NFKB1: variants seen among roughly 807,000 people sequenced by gnomAD.
NFKB1 encodes the protein nuclear factor kappa B subunit 1, also known as nuclear factor NF-kappa-B p105 subunit.
Under a neutral mutation model 105.1 loss-of-function variants are expected in NFKB1, and 9 were observed. The ratio of observed to expected loss-of-function variants is 0.09; its 90% CI spans 0.05 to 0.15. The LOEUF is 0.15. Ranked by LOEUF, NFKB1 falls within the 10% of genes least tolerant of loss-of-function variation. The pLI, the probability that NFKB1 is intolerant of heterozygous loss-of-function variation, is 1.00. For synonymous variants in NFKB1, 440 were observed against 442.2 expected, an observed-to-expected ratio of 1.00 and a Z score of 0.06; for missense variants, 830 against 1,203.7, an observed-to-expected ratio of 0.69 and a Z score of 4.59.
At chr4:102,591,260 G>A (rs1365851766) in intron 11 of NFKB1, among the ~76,000 whole-genome samples, 2 of 152,080 alleles carry the variant, frequency 1.3e-5, no homozygotes, top group Admixed American at 6.6e-5. Context: ...CATAACTAGA[G>A]AGAAGATGTA....
chr4:102,572,765 C>T (rs1398031611), intron 6 of NFKB1, among the ~76,000 whole-genome samples: 5 of 152,126 alleles, frequency 3.3e-5, no homozygotes, highest in Non-Finnish European at 4.4e-5. Context: ...AAAACAGTCA[C>T]TTATCTTTTA....
intron 5 of NFKB1, among the ~76,000 whole-genome samples, chr4:102,563,819 CTTTTTTT>C (rs34134600): frequency 5.6e-5 from 7 of 124,588 alleles, no homozygotes; most frequent in East Asian, 4.7e-4. Flanking sequence ...AAGCTTAACT[CTTTTTTT>C]TTTTTTTTTT....
At chr4:102,593,268 A>G (rs371375379) in intron 11 of NFKB1, 157 bp from the exon 12 acceptor site, 14 of 731,460 alleles carry the variant, frequency 1.9e-5, no homozygotes, top group Admixed American at 2.5e-5. Context: ...TGGAATAAAT[A>G]TAACGCTTCT....
intron 11 of NFKB1, among the ~76,000 whole-genome samples, chr4:102,587,682 C>T (rs973119751): frequency 6.6e-6 from 1 of 152,002 alleles, no homozygotes; most frequent in African/African-American, 2.4e-5. Context: ...TCATACAATA[C>T]AAAGTTTAAG....
chr4:102,576,463 T>C (rs1453231194), intron 6 of NFKB1, among the ~76,000 whole-genome samples: 1 of 152,178 alleles, frequency 6.6e-6, no homozygotes, highest in Non-Finnish European at 1.5e-5. Flanking sequence ...ACTCCCGTAA[T>C]CAAATTTGGA....
At chr4:102,513,880 A>T (rs570613626) in intron 1 of NFKB1, among the ~76,000 whole-genome samples, 1 of 152,138 alleles carries the variant, frequency 6.6e-6, no homozygotes, top group African/African-American at 2.4e-5. Context: ...TTTAAAAATA[A>T]TGTGGACTCT....
intron 6 of NFKB1, among the ~76,000 whole-genome samples, chr4:102,576,020 A>C (rs899770979): frequency 1.3e-5 from 2 of 152,186 alleles, no homozygotes; most frequent in African/African-American, 4.8e-5. Context: ...TATTGAATAG[A>C]CTTCTTTGTT....
intron 1 of NFKB1, among the ~76,000 whole-genome samples, chr4:102,514,444 T>C (rs1739992221): frequency 6.6e-6 from 1 of 152,180 alleles, no homozygotes; most frequent in African/African-American, 2.4e-5. Context: ...TCCTCTTGCC[T>C]TTCCGCCCTC....
chr4:102,607,883 T>C lies in NFKB1; in HGVS notation c.2227+132T>C, dbSNP rs4648101. On this transcript the variant is annotated intron_variant, in intron 19 of 23. Transcript: ENST00000226574. The stretch of plus-strand genomic sequence containing the variant: ...GAAAAACAAGGGTAAATAAAAATTA[T>C]ATGGCAAATCACATTTTATCTGCCA... 833 of 748,104 alleles carry C rather than the reference T, an allele frequency of 1.1e-3. 6 individuals carry two copies. The African/African-American group carries it at 0.013, about 12-fold the overall frequency. The allele number at this position is 748,104 out of a possible 1,614,324, so 46.3% of individuals were successfully genotyped here.
chr4:102,566,952 G>A, intron 5 of NFKB1, 35 bp from the exon 6 acceptor site: 1 of 1,611,020 alleles, frequency 6.2e-7, no homozygotes, highest in Non-Finnish European at 8.5e-7. Flanking sequence ...TGGAGAGTCA[G>A]ATATGCTAAC....
Position 102,617,038 on chromosome 4 carries a change from TG to T in NFKB1, c.*445del, listed in dbSNP as rs1728999550. 2.0e-5 allele frequency: 3 copies of T among 148,100 alleles called. No homozygotes were observed. Among genetic ancestry groups the T allele is most frequent in the Non-Finnish European group, 4.4e-5 (3 of 67,752 alleles). 9.2% of individuals were successfully genotyped at this position (148,100 alleles called of 1,614,324 possible). On this transcript the variant is annotated 3_prime_UTR_variant, in exon 24 of 24. Transcript: ENST00000226574. ...ATATTTTAAAATGAGAGTCACTTGA[TG>T]TGCCATTTTAAAAAAAAAGGCATAT...
chr4:102,540,933 C>G (rs1267052610), intron 5 of NFKB1, among the ~76,000 whole-genome samples: 2 of 152,140 alleles, frequency 1.3e-5, no homozygotes, highest in Admixed American at 6.5e-5. Flanking sequence ...TCTTTCTAAT[C>G]AGGAAGACCT....
chr4:102,515,975 A>G (rs141252335), intron 1 of NFKB1, among the ~76,000 whole-genome samples: 2 of 152,146 alleles, frequency 1.3e-5, no homozygotes, highest in East Asian at 3.9e-4. Flanking sequence ...GAAAATGTCA[A>G]TTTCACCTTT....
At chr4:102,612,661 A>G (rs769449303) in intron 22 of NFKB1, 55 bp downstream of exon 22, 11 of 1,497,710 alleles carry the variant, frequency 7.3e-6, no homozygotes, top group Non-Finnish European at 1.0e-5. Context: ...CTCTGTTAAC[A>G]TCTCTGGCCA....
In NFKB1 at chr4:102,507,803, C is replaced by T. The variant is rs574652176; in HGVS notation, c.-8+6015C>T. ...AAATTATTTTTATTATTTATCATGT[C>T]ATTTGGACTGAAAATACTATACCAT... On this transcript the variant is annotated intron_variant, in intron 1 of 23. Coordinates refer to ENST00000226574, the MANE Select transcript of NFKB1 (RefSeq NM_003998.4). Among the ~76,000 whole-genome samples the T allele has an allele frequency of 4.6e-5, 7 of 152,162 alleles. No individual in the cohort carries two copies. In the South Asian group the frequency reaches 1.5e-3, roughly 32 times the overall value.
In NFKB1 at chr4:102,601,255, C is replaced by T. The variant is rs542397750; in HGVS notation, c.1752+246C>T. Among the ~76,000 whole-genome samples the T allele has an allele frequency of 5.5e-4, 83 of 152,210 alleles. No individual in the cohort carries two copies. The South Asian group carries it at 7.7e-3, about 14-fold the overall frequency. On this transcript the variant is annotated intron_variant, in intron 16 of 23. Coordinates refer to ENST00000226574, the MANE Select transcript of NFKB1 (RefSeq NM_003998.4). ...CAGCATCCCGCTGGGGGAAGGCAAA[C>T]TTTAAACTTTAGAAATCAAACAGTT...
intron 22 of NFKB1, 64 bp downstream of exon 22, chr4:102,612,670 C>G (rs1728538136): frequency 4.2e-6 from 6 of 1,439,792 alleles, no homozygotes; most frequent in South Asian, 3.6e-5. Context: ...CATCTCTGGC[C>G]AGGGCATAAT....
intron 5 of NFKB1, among the ~76,000 whole-genome samples, chr4:102,540,833 C>G (rs1054420911): frequency 6.6e-5 from 10 of 151,942 alleles, no homozygotes; most frequent in African/African-American, 2.4e-4. Context: ...ATAGTTATTT[C>G]TGCTCAGGAT....
At chr4:102,504,114 T>G (rs1286500973) in intron 1 of NFKB1, among the ~76,000 whole-genome samples, 1 of 152,182 alleles carries the variant, frequency 6.6e-6, no homozygotes, top group African/African-American at 2.4e-5. Flanking sequence ...TGGTTTGAAC[T>G]TGGGAGAAGT....
Sources: gnomAD v4.1 joint callset for allele counts (sites outside exome capture counted in the v4.1 genomes callset) on GRCh38, gnomAD v4.1.1 for gene constraint, MANE v1.5 for transcripts, NCBI Gene and HGNC (gene_info 2026-07-23, HGNC 2026-07-21) for gene names.